CABCOCO1: variants seen among roughly 807,000 people sequenced by gnomAD.
CABCOCO1 encodes the protein ciliary associated calcium binding coiled-coil 1, also known as ciliary-associated calcium-binding coiled-coil protein 1.
Under a neutral mutation model 35.7 loss-of-function variants are expected in CABCOCO1, and 28 were observed. The ratio of observed to expected loss-of-function variants is 0.78; its 90% CI spans 0.58 to 1.07. The LOEUF is 1.07. CABCOCO1 is among the 50% of genes least tolerant of loss of function. The probability of loss-of-function intolerance (pLI) is 0.00; values close to 1 mark genes in which losing one functional copy is unlikely to be tolerated. For missense variants in CABCOCO1, 326 were observed against 309.2 expected (o/e 1.05, Z -0.41); for synonymous variants, 95 against 100.1 (o/e 0.95, Z 0.30).
intron 5 of CABCOCO1, among the ~76,000 whole-genome samples, chr10:61,727,211 T>C (rs61564865): frequency 0.1 from 15,264 of 152,184 alleles, 928 homozygotes; most frequent in Middle Eastern, 0.16. Context: ...TCAGTAAATA[T>C]TTATTGAATT....
At chr10:61,744,402 G>A (rs552712968) in intron 5 of CABCOCO1, among the ~76,000 whole-genome samples, 89 of 152,156 alleles carry the variant, frequency 5.8e-4, no homozygotes, top group African/African-American at 2.0e-3. Context: ...GGCTCTAAAC[G>A]TGTACATTAA....
At position 61,675,475 on chromosome 10, in the gene CABCOCO1, G is replaced by T. The variant is rs184783016; in HGVS notation, c.164+2740G>T. Among the ~76,000 whole-genome samples the T allele has an allele frequency of 2.2e-3, 331 of 152,070 alleles. No homozygotes were observed. In the Middle Eastern group the frequency reaches 0.024, roughly 11 times the overall value. ...TGTGGGGGACAGCAAAGATGAAAAA[G>T]GTCAAAGAGATTTCACCAAAATATT... On this transcript the variant is annotated intron_variant, in intron 2 of 7. Transcript: ENST00000648843.
chr10:61,754,610 G>A (rs1841859352), intron 5 of CABCOCO1, among the ~76,000 whole-genome samples: 1 of 152,066 alleles, frequency 6.6e-6, no homozygotes, highest in African/African-American at 2.4e-5. Flanking sequence ...TGAAGCCCAA[G>A]CGAAACAAGA....
intron 3 of CABCOCO1, 115 bp from the exon 4 acceptor site, chr10:61,685,924 TTA>T: frequency 3.5e-6 from 3 of 859,954 alleles, no homozygotes; most frequent in Non-Finnish European, 5.2e-6. Context: ...GTTTTACCAT[TTA>T]TCCTCACAAA....
At chr10:61,757,718 C>CAT (rs1841928761) in intron 5 of CABCOCO1, among the ~76,000 whole-genome samples, 2 of 151,508 alleles carry the variant, frequency 1.3e-5, no homozygotes, top group Non-Finnish European at 1.5e-5. Flanking sequence ...CACACACACA[C>CAT]ACACACAGTG....
At chr10:61,679,840 C>T (rs1172678588) in intron 2 of CABCOCO1, among the ~76,000 whole-genome samples, 2 of 151,660 alleles carry the variant, frequency 1.3e-5, no homozygotes, top group Non-Finnish European at 2.9e-5. Flanking sequence ...TATGAAGCAA[C>T]TACAGAAAGC....
At chr10:61,703,989 A>ATTTC (rs1378522787) in intron 5 of CABCOCO1, among the ~76,000 whole-genome samples, 6 of 152,176 alleles carry the variant, frequency 3.9e-5, no homozygotes, top group African/African-American at 1.4e-4. Flanking sequence ...AGGTGGGCAG[A>ATTTC]TAGAACACTT....
chr10:61,735,012 T>G (rs895474841), intron 5 of CABCOCO1, among the ~76,000 whole-genome samples: 5 of 152,126 alleles, frequency 3.3e-5, no homozygotes, highest in Non-Finnish European at 7.4e-5. Flanking sequence ...TGTTGTCCTG[T>G]GTTCAAAAGA....
rs551509262 is a variant in CABCOCO1 at position 61,666,639 on chromosome 10, T to A, written c.60+3607T>A. On this transcript the variant is annotated intron_variant, in intron 1 of 7. Transcript: ENST00000648843. ...TAGATGGCACAAATAGTCTTCAAAA[T>A]TTTTCTAATATTTAAAGTTTTATTT... Among the ~76,000 whole-genome samples, 79 of 152,204 alleles carry A rather than the reference T, an allele frequency of 5.2e-4. 3 individuals carry two copies. In the South Asian group the frequency reaches 0.016, roughly 31 times the overall value.
chr10:61,703,648 G>A (rs927746805), intron 5 of CABCOCO1, among the ~76,000 whole-genome samples: 3 of 151,790 alleles, frequency 2.0e-5, no homozygotes, highest in Non-Finnish European at 4.4e-5. Flanking sequence ...TGTGCTTTTT[G>A]GTATCAGTTT....
chr10:61,723,956 C>CA (rs910774006), intron 5 of CABCOCO1, among the ~76,000 whole-genome samples: 1 of 151,940 alleles, frequency 6.6e-6, no homozygotes, highest in Admixed American at 6.6e-5. Flanking sequence ...AAATTCTGTG[C>CA]AAAAAAGTAG....
At chr10:61,746,282 G>A (rs1052231581) in intron 5 of CABCOCO1, among the ~76,000 whole-genome samples, 1 of 152,144 alleles carries the variant, frequency 6.6e-6, no homozygotes, top group Non-Finnish European at 1.5e-5. Context: ...ATTTAAAGGT[G>A]ATAACTTCAT....
intron 2 of CABCOCO1, among the ~76,000 whole-genome samples, chr10:61,680,628 CATGTTATACATAT>C (rs1839722682): frequency 4.5e-5 from 1 of 22,180 alleles, no homozygotes; most frequent in African/African-American, 1.3e-4. Context: ...ATAACATATA[CATGTTATACATAT>C]ATAATATATA....
At chr10:61,760,356 A>G (rs779402051) in intron 6 of CABCOCO1, among the ~76,000 whole-genome samples, 175 bp downstream of exon 6, 6 of 152,004 alleles carry the variant, frequency 3.9e-5, no homozygotes, top group Non-Finnish European at 5.9e-5. Flanking sequence ...TAGTTCAGCA[A>G]TTTTAATCTT....
intron 2 of CABCOCO1, among the ~76,000 whole-genome samples, chr10:61,680,676 ATGTTATACATGTATAACATATATATGT>A (rs1564532735): frequency 1.2e-5 from 1 of 82,476 alleles, no homozygotes; most frequent in East Asian, 4.2e-4. Context: ...TATAACATAT[ATGTTATACATGTATAACATATATATGT>A]TATACATGTA....
At chr10:61,756,760 G>T (rs1457404823) in intron 5 of CABCOCO1, among the ~76,000 whole-genome samples, 1 of 151,920 alleles carries the variant, frequency 6.6e-6, no homozygotes, top group African/African-American at 2.4e-5. Context: ...GAAGATTATG[G>T]GTGCTATTCT....
intron 5 of CABCOCO1, among the ~76,000 whole-genome samples, chr10:61,714,021 T>C (rs939129259): frequency 5.3e-5 from 8 of 152,232 alleles, no homozygotes; most frequent in African/African-American, 1.9e-4. Flanking sequence ...GATGTTGGCC[T>C]CATAAAATGA....
intron 1 of CABCOCO1, among the ~76,000 whole-genome samples, chr10:61,670,427 CA>C (rs1011217108): frequency 6.6e-6 from 1 of 151,458 alleles, no homozygotes; most frequent in African/African-American, 2.4e-5. Context: ...CCGTAGCTTA[CA>C]AAAAAAGTGG....
intron 5 of CABCOCO1, among the ~76,000 whole-genome samples, chr10:61,704,062 C>CA (rs61338848): frequency 0.017 from 2,467 of 144,080 alleles, 32 homozygotes; most frequent in South Asian, 0.051. Flanking sequence ...ATTAAAAATA[C>CA]AAAAAAAAAA....
Sources: allele counts gnomAD v4.1 joint callset (sites outside exome capture counted in the v4.1 genomes callset), GRCh38; gene constraint gnomAD v4.1.1; transcripts MANE v1.5; gene names NCBI Gene and HGNC (gene_info 2026-07-23, HGNC 2026-07-21).